ZAP70: variants seen among roughly 807,000 people sequenced by gnomAD.
The protein encoded by ZAP70 is zeta chain of T cell receptor associated protein kinase 70, also known as tyrosine-protein kinase ZAP-70.
A neutral mutation model predicts 65.8 loss-of-function variants in ZAP70; 27 were observed. The ratio of observed to expected loss-of-function variants is 0.41; its 90% CI spans 0.30 to 0.57. The LOEUF (loss-of-function observed/expected upper bound fraction) is 0.57. Among genes scored for constraint, ZAP70 ranks in the 20% least tolerant of loss-of-function variants. ZAP70 has a pLI of 0.28. For synonymous variants in ZAP70, 363 were observed against 360.8 expected, an observed-to-expected ratio of 1.01 and a Z score of -0.07; for missense variants, 696 against 870.5, an observed-to-expected ratio of 0.80 and a Z score of 2.52.
the ZAP70 span, among the ~76,000 whole-genome samples, chr2:97,754,025 A>T: frequency 6.6e-6 from 1 of 152,234 alleles, no homozygotes; most frequent in African/African-American, 2.4e-5. Flanking sequence ...ATTTCATGTA[A>T]ATATAATTAT....
At chr2:97,753,929 C>T in the ZAP70 span, among the ~76,000 whole-genome samples, 1 of 152,228 alleles carries the variant, frequency 6.6e-6, no homozygotes, top group South Asian at 2.1e-4. Flanking sequence ...TTCAGGGCTG[C>T]AGTGAGCCTA....
the ZAP70 span, among the ~76,000 whole-genome samples, chr2:97,754,640 T>C: frequency 6.6e-6 from 1 of 152,202 alleles, no homozygotes; most frequent in Non-Finnish European, 1.5e-5. Context: ...TGACCTCAGT[T>C]GATCCGCCCA....
intron 9 of ZAP70, 66 bp from the exon 10 acceptor site, chr2:97,735,183 TG>T: frequency 6.5e-7 from 1 of 1,537,986 alleles, no homozygotes. Flanking sequence ...GATGGGTGGG[TG>T]GGGGTGTGGG....
At chr2:97,728,561 A>C (rs562057141) in intron 4 of ZAP70, among the ~76,000 whole-genome samples, 2 of 152,334 alleles carry the variant, frequency 1.3e-5, no homozygotes, top group African/African-American at 4.8e-5. Context: ...ACTCAGGCCT[A>C]GAGTGAAGAC....
intron 9 of ZAP70, 89 bp downstream of exon 9, chr2:97,734,801 C>T: frequency 6.5e-7 from 1 of 1,535,390 alleles, no homozygotes; most frequent in Non-Finnish European, 8.9e-7. Flanking sequence ...GCCGGGATGT[C>T]TGTCTCACAG....
intron 2 of ZAP70, among the ~76,000 whole-genome samples, chr2:97,718,646 A>G (rs912357573): frequency 6.6e-6 from 1 of 152,056 alleles, no homozygotes; most frequent in Non-Finnish European, 1.5e-5. Flanking sequence ...CGGGTCATGG[A>G]TGGCAGCCCT....
At position 97,734,800 on chromosome 2, in the gene ZAP70, T is replaced by G. The variant is rs56151201; in HGVS notation, c.1082+88T>G. 2.5e-3 allele frequency: 3,786 copies of G among 1,536,954 alleles called. 7 individuals carry two copies. Among genetic ancestry groups the G allele is most frequent in the Non-Finnish European group, 3.1e-3 (3,473 of 1,122,502 alleles). ...GGGCTGTGGGACGGGAGCCGGGATG[T>G]CTGTCTCACAGCAGTTTGCCTGGGA... On this transcript the variant is annotated intron_variant, in intron 9 of 13. Transcript: ENST00000264972.
In ZAP70 at chr2:97,734,608, G is replaced by A. The variant is rs1436130654; in HGVS notation, c.978G>A (p.Lys326=). 3 of 1,614,232 alleles carry A rather than the reference G, an allele frequency of 1.9e-6. No individual in the cohort carries two copies. The highest frequency in any genetic ancestry group is 1.1e-5 in the South Asian group (1 of 91,090). The change falls in exon 9 of 14, where the codon AAG becomes AAA. Residue 326 remains lysine, a synonymous_variant. Coordinates refer to ENST00000264972, the MANE Select transcript of ZAP70 (RefSeq NM_001079.4). The part of the protein sequence containing the change: ...ESPYSDPEEL[K]DKKLFLKRDN... The stretch of plus-strand genomic sequence containing the variant: ...CCTACAGCGACCCAGAGGAGCTCAA[G>A]GACAAGAAGCTCTTCCTGAAGCGCG...
In ZAP70 at chr2:97,731,230, C is replaced by A. The variant is rs959035137; in HGVS notation, c.564-1653C>A. On this transcript the variant is annotated intron_variant, in intron 4 of 13. Coordinates refer to ENST00000264972, the MANE Select transcript of ZAP70 (RefSeq NM_001079.4). This position sits in a 1 kb window ranked among gnomAD's most constrained non-coding sequence, Gnocchi z 4.0. ...GACCATCACCTCCAGGCCAGCCTGC[C>A]ACCTGCCTCTGACTTCCACAGCTCT... 1.3e-5 allele frequency among the ~76,000 whole-genome samples: 2 copies of A among 152,126 alleles called. No individual in the cohort carries two copies. Among genetic ancestry groups the A allele is most frequent in the African/African-American group, 2.4e-5 (1 of 41,420 alleles).
the ZAP70 span, chr2:97,756,300 T>C: frequency 1.3e-5 from 2 of 152,082 alleles, no homozygotes; most frequent in African/African-American, 4.8e-5. Flanking sequence ...TCCTAATAAA[T>C]ACACCTTGTG....
intron 9 of ZAP70, 109 bp downstream of exon 9, chr2:97,734,821 T>G (rs1677784909): frequency 2.1e-6 from 3 of 1,443,960 alleles, no homozygotes; most frequent in Middle Eastern, 1.8e-4. Flanking sequence ...GCAGTTTGCC[T>G]GGGAAACAGA....
intron 9 of ZAP70, 167 bp downstream of exon 9, chr2:97,734,879 G>C (rs995684924): frequency 1.8e-5 from 17 of 968,226 alleles, no homozygotes; most frequent in Non-Finnish European, 2.5e-5. Flanking sequence ...AGAGAGCTCG[G>C]GACACCTGAC....
rs1238614221 is a variant in ZAP70, at chr2:97,737,648, G to A, written c.1465G>A (p.Asp489Asn). 11 of 1,614,060 alleles carry A rather than the reference G, an allele frequency of 6.8e-6. No homozygotes were observed. Among genetic ancestry groups the A allele is most frequent in the South Asian group, 1.1e-5 (1 of 91,078 alleles). ...TGGCCTCTCCAAAGCACTGGGTGCC[G>A]ACGACAGCTACTACACTGTAAGCCT... ...DFGLSKALGA[D>N]DSYYTARSAG... Residue 489 changes from aspartate (D) to asparagine (N), a missense_variant, in exon 11 of 14, where the codon GAC becomes AAC. Coordinates refer to ENST00000264972, the MANE Select transcript of ZAP70 (RefSeq NM_001079.4). The surrounding 1 kb of genome is among the most constrained non-coding windows in gnomAD (Gnocchi z 5.0).
At chr2:97,714,194 T>A (rs1676820141) in intron 2 of ZAP70, among the ~76,000 whole-genome samples, 200 bp downstream of exon 2, 1 of 152,066 alleles carries the variant, frequency 6.6e-6, no homozygotes, top group African/African-American at 2.4e-5. Context: ...CAGCTCCCCC[T>A]CCAGAGGCTT....
chr2:97,725,105 A>T lies in ZAP70; in HGVS notation c.416A>T (p.Glu139Val). ...QTWKLEGEAL[E>V]QAIISQAPQV... The stretch of plus-strand genomic sequence containing the variant: ...CTCCTTTTCTAGGGCGAGGCCCTGG[A>T]GCAGGCCATCATCAGCCAGGCCCCG... Residue 139 changes from glutamate to valine, a missense_variant, in exon 4 of 14, where the codon GAG (glutamate) becomes GTG (valine). By Grantham distance (121) the Glu-to-Val change is moderately radical (BLOSUM62 -2). Around this residue, in one of 3 missense-constraint regions of ZAP70, gnomAD observed 551 missense variants for 630.0 expected, o/e 0.87. Transcript: ENST00000264972. 3.7e-6 allele frequency: 6 copies of T among 1,614,030 alleles called. No homozygotes were observed. Among genetic ancestry groups the T allele is most frequent in the Non-Finnish European group, 4.2e-6 (5 of 1,180,002 alleles).
chr2:97,752,349 GCTAT>G, the ZAP70 span, among the ~76,000 whole-genome samples: 1 of 152,312 alleles, frequency 6.6e-6, no homozygotes, highest in African/African-American at 2.4e-5. Context: ...TATTTTTACA[GCTAT>G]CTAATTATGG....
Position 97,739,619 on chromosome 2 carries a change from G to C in ZAP70, c.*121G>C. On this transcript the variant is annotated 3_prime_UTR_variant, in exon 14 of 14. Coordinates refer to ENST00000264972, the MANE Select transcript of ZAP70 (RefSeq NM_001079.4). ...TCCACACACAGCTGGGCTGTGGTAGGGGGTGTCTCAGGCCACACCGGCCTT... is the reference window on the plus strand; with the variant it reads ...TCCACACACAGCTGGGCTGTGGTAGCGGGTGTCTCAGGCCACACCGGCCTT... 1 of 1,441,924 alleles carries C rather than the reference G, an allele frequency of 6.9e-7. No homozygotes were observed. The highest frequency in any genetic ancestry group is 9.3e-7 in the Non-Finnish European group (1 of 1,072,802). The allele number at this position is 1,441,924 out of a possible 1,614,324, so 89.3% of individuals were successfully genotyped here. A position where few individuals can be genotyped will look rare whatever the true frequency, so the allele number is the denominator to read the frequency against.
At position 97,724,360 on chromosome 2, in the gene ZAP70, C is replaced by T. The variant is rs755602828; in HGVS notation, c.324C>T (p.Leu108=). ...LRKPCNRPSG[L]EPQPGVFDCL... is the part of the protein sequence containing the mutation. The stretch of plus-strand genomic sequence containing the variant: ...AGCCGTGCAACCGGCCGTCGGGCCT[C>T]GAGCCGCAGCCGGGGGTCTTCGACT... Residue 108 remains leucine (L), a synonymous_variant, in exon 3 of 14, where the codon CTC becomes CTT. Coordinates refer to ENST00000264972, the MANE Select transcript of ZAP70 (RefSeq NM_001079.4). The T allele has an allele frequency of 3.9e-6, 6 of 1,547,088 alleles. No homozygotes were observed. Among genetic ancestry groups the T allele is most frequent in the Non-Finnish European group, 5.2e-6 (6 of 1,146,480 alleles).
At chr2:97,727,634 T>C (rs1012984900) in intron 4 of ZAP70, among the ~76,000 whole-genome samples, 7 of 152,234 alleles carry the variant, frequency 4.6e-5, no homozygotes, top group African/African-American at 1.4e-4. Flanking sequence ...ACCCTTCCTA[T>C]TGATGTAGCT....
Sources: gnomAD v4.1 joint callset for allele counts (sites outside exome capture counted in the v4.1 genomes callset) on GRCh38, gnomAD v4.1.1 for gene constraint, gnomAD v4.1.1 regional missense constraint, Gnocchi (gnomAD v3.1) non-coding constraint, MANE v1.5 for transcripts, NCBI Gene and HGNC (gene_info 2026-07-23, HGNC 2026-07-21) for gene names.